Variants in GCFC2 observed in about 807,000 individuals in gnomAD.
GCFC2 encodes the protein GC-rich sequence DNA-binding factor 2, also known as intron Large complex component GCFC2.
GCFC2 carries 102 observed loss-of-function variants against 99.4 expected under a neutral mutation model. That is an observed-to-expected ratio of 1.03 (90% confidence interval 0.87 to 1.21). The LOEUF (loss-of-function observed/expected upper bound fraction) is 1.21. GCFC2 is among the 50% of genes most tolerant of loss of function. The pLI is 0.00. For missense variants in GCFC2, 973 were observed against 920.9 expected, an observed-to-expected ratio of 1.06 and a Z score of -0.73; for synonymous variants, 338 against 316.8, an observed-to-expected ratio of 1.07 and a Z score of -0.71.
chr2:75,684,589 A>G (rs1463729769), intron 11 of GCFC2, among the ~76,000 whole-genome samples: 2 of 152,200 alleles, frequency 1.3e-5, no homozygotes, highest in Non-Finnish European at 2.9e-5. Flanking sequence ...GAAATAGAAC[A>G]CTTTTACACT....
intron 7 of GCFC2, among the ~76,000 whole-genome samples, chr2:75,691,213 G>C (rs1408427042): frequency 2.6e-5 from 4 of 152,152 alleles, no homozygotes; most frequent in Non-Finnish European, 1.5e-5. Context: ...ATTAGGCACT[G>C]TAAGAGACTA....
rs1404664333 is a variant in GCFC2 at position 75,662,833 on chromosome 2, A to G, written c.*1833T>C. 1 of 151,984 alleles carries G rather than the reference A, an allele frequency of 6.6e-6. No individual in the cohort carries two copies. Among genetic ancestry groups the G allele is most frequent in the African/African-American group, 2.4e-5 (1 of 41,388 alleles). The allele number at this position is 151,984 out of a possible 1,614,324, so 9.4% of individuals were successfully genotyped here. ...GTTAAAAATCCAAAAGTCAGAGGAT[A>G]ATTTCCAAATGTGTACTTAAATAGA... On this transcript the variant is annotated 3_prime_UTR_variant, in exon 17 of 17. Coordinates refer to ENST00000321027, the MANE Select transcript of GCFC2 (RefSeq NM_003203.5).
intron 15 of GCFC2, among the ~76,000 whole-genome samples, chr2:75,669,289 T>C (rs146009497): frequency 6.6e-6 from 1 of 152,284 alleles, no homozygotes; most frequent in East Asian, 1.9e-4. Context: ...TAACTTTCTA[T>C]TATACAAAAT....
intron 10 of GCFC2, among the ~76,000 whole-genome samples, chr2:75,688,760 T>C (rs1679925104): frequency 6.6e-6 from 1 of 151,760 alleles, no homozygotes; most frequent in Admixed American, 6.6e-5. Context: ...CCTTATACTT[T>C]CTGGGAGGAT....
chr2:75,711,315 G>C, upstream of GCFC2: 4 of 524,118 alleles, frequency 7.6e-6, no homozygotes, highest in Non-Finnish European at 9.8e-6. Context: ...TGAGGCTCGG[G>C]GTAGGAGGAG....
At chr2:75,677,446 TACCTGACAA>T (rs952273839) in intron 12 of GCFC2, among the ~76,000 whole-genome samples, 16 of 152,334 alleles carry the variant, frequency 1.1e-4, no homozygotes, top group African/African-American at 3.6e-4. Context: ...CCCTAGGGAA[TACCTGACAA>T]TGTGTAGACA....
chr2:75,707,470 A>C (rs1680923568), intron 1 of GCFC2, among the ~76,000 whole-genome samples: 1 of 152,250 alleles, frequency 6.6e-6, no homozygotes, highest in Non-Finnish European at 1.5e-5. Flanking sequence ...ACATAAGATT[A>C]CATACTACTC....
rs1467839004 is a variant in GCFC2, at chr2:75,696,371, CATT to C, written c.718-59_718-57del. The C allele has an allele frequency of 3.8e-6, 3 of 779,406 alleles. No homozygotes were observed. In the East Asian group the frequency reaches 7.4e-5, roughly 19 times the overall value. 48.3% of individuals were successfully genotyped at this position (779,406 alleles called of 1,614,324 possible). A position where few individuals can be genotyped will look rare whatever the true frequency, so the allele number is the denominator to read the frequency against. On this transcript the variant is annotated intron_variant, in intron 4 of 16. Coordinates refer to ENST00000321027, the MANE Select transcript of GCFC2 (RefSeq NM_003203.5). ...CCATTTATTTCATTTACCTTTGAAA[CATT>C]AATAGCATGTAAAGGGACTGGATGA...
intron 9 of GCFC2, 91 bp downstream of exon 9, chr2:75,689,878 A>G (rs1424791713): frequency 2.9e-6 from 2 of 685,386 alleles, no homozygotes; most frequent in Non-Finnish European, 5.1e-6. Context: ...TGTTTTATAT[A>G]GCTTATGTAC....
intron 12 of GCFC2, among the ~76,000 whole-genome samples, chr2:75,673,943 A>G (rs2051942): frequency 0.19 from 29,434 of 152,224 alleles, 3,569 homozygotes; most frequent in South Asian, 0.27. Context: ...GAATAGTGGC[A>G]TCCCATTTAC....
At chr2:75,697,725 T>C (rs1389112157) in intron 4 of GCFC2, 1 of 152,232 alleles carries the variant, frequency 6.6e-6, no homozygotes, top group East Asian at 1.9e-4. Context: ...GTGGTGTATA[T>C]CCTGGATTAT....
At chr2:75,665,601 TAAC>T (rs1304107541) in intron 16 of GCFC2, among the ~76,000 whole-genome samples, 1 of 152,226 alleles carries the variant, frequency 6.6e-6, no homozygotes, top group East Asian at 1.9e-4. Context: ...GACCTGTACT[TAAC>T]AACTGTTGAG....
Position 75,667,550 on chromosome 2 carries a change from C to A in GCFC2, c.2104-1497G>T, listed in dbSNP as rs1393536032. On this transcript the variant is annotated intron_variant, in intron 15 of 16. Transcript: ENST00000321027. ...TTCAGGAAAAATACTGACACACTGACTGCCTAAGGCAGAAGATCCTACAAG... is the reference window on the plus strand; with the variant it reads ...TTCAGGAAAAATACTGACACACTGAATGCCTAAGGCAGAAGATCCTACAAG... Among the ~76,000 whole-genome samples, 5 of 151,798 alleles carry A rather than the reference C, an allele frequency of 3.3e-5. No individual in the cohort carries two copies. In the East Asian group the frequency reaches 9.6e-4, roughly 29 times the overall value.
At chr2:75,677,798 G>A (rs1015166087) in intron 12 of GCFC2, among the ~76,000 whole-genome samples, 1 of 152,046 alleles carries the variant, frequency 6.6e-6, no homozygotes, top group African/African-American at 2.4e-5. Flanking sequence ...CTAATACAGT[G>A]AAACCCCGTC....
rs1174815712 is a variant in GCFC2, at chr2:75,710,678, G to A, written c.178C>T (p.Arg60Trp). 5 of 1,524,322 alleles carry A rather than the reference G, an allele frequency of 3.3e-6. No homozygotes were observed. Among genetic ancestry groups the A allele is most frequent in the Admixed American group, 2.0e-5 (1 of 50,610 alleles). The allele number at this position is 1,524,322 out of a possible 1,614,324, so 94.4% of individuals were successfully genotyped here. A position where few individuals can be genotyped will look rare whatever the true frequency, so the allele number is the denominator to read the frequency against. The change falls in exon 1 of 17, where the codon CGG becomes TGG. Residue 60 changes from arginine to tryptophan, a missense_variant. By Grantham distance (101) the Arg-to-Trp change is moderately radical. Coordinates refer to ENST00000321027, the MANE Select transcript of GCFC2 (RefSeq NM_003203.5). ...GRAQVAGLPHRVRGPRGRGRV... is the reference protein window; with the variant it reads ...GRAQVAGLPHWVRGPRGRGRV... ...CCCCGGCCACGAGGGCCCCGAACCC[G>A]GTGGGGCAGTCCCGCCACCTGCGCG...
intron 1 of GCFC2, 54 bp from the exon 2 acceptor site, chr2:75,706,705 TAA>T: frequency 3.3e-6 from 4 of 1,208,544 alleles, no homozygotes; most frequent in Non-Finnish European, 3.6e-6. Context: ...ATGGAATTAT[TAA>T]TTGAAATTCT....
chr2:75,675,862 G>A (rs934269022), intron 12 of GCFC2, among the ~76,000 whole-genome samples: 1 of 151,818 alleles, frequency 6.6e-6, no homozygotes, highest in African/African-American at 2.4e-5. Context: ...TGGAAAATAA[G>A]GTTCTCCAAA....
chr2:75,701,452 A>T, intron 3 of GCFC2, 165 bp from the exon 4 acceptor site: 1 of 593,198 alleles, frequency 1.7e-6, no homozygotes, highest in Non-Finnish European at 3.0e-6. Flanking sequence ...TCATTTCACA[A>T]ATGAGGAAAT....
In GCFC2 at chr2:75,689,087, C is replaced by A. The variant is rs866070892; in HGVS notation, c.1478G>T (p.Cys493Phe). 1 of 1,597,756 alleles carries A rather than the reference C, an allele frequency of 6.3e-7. No individual in the cohort carries two copies. Among genetic ancestry groups the A allele is most frequent in the Non-Finnish European group, 8.6e-7 (1 of 1,166,998 alleles). Residue 493 changes from cysteine to phenylalanine, a missense_variant, in exon 10 of 17, where the codon TGC becomes TTC. Physicochemically the swap from Cys to Phe is radical, Grantham distance 205. Coordinates refer to ENST00000321027, the MANE Select transcript of GCFC2 (RefSeq NM_003203.5). ...DSYYEAFISL[C>F]IPKLLNPLIR... ...TAGGGGATTTAAAAGCTTTGGTATGCATAAACTAATGAAAGCTTCATAATA... is the reference window on the plus strand; with the variant it reads ...TAGGGGATTTAAAAGCTTTGGTATGAATAAACTAATGAAAGCTTCATAATA...
Sources: gnomAD v4.1 joint callset for allele counts (sites outside exome capture counted in the v4.1 genomes callset) on GRCh38, gnomAD v4.1.1 for gene constraint, MANE v1.5 for transcripts, NCBI Gene and HGNC (gene_info 2026-07-23, HGNC 2026-07-21) for gene names.